The following ELFN1 variants were observed in gnomAD, a reference collection of about 807,000 sequenced individuals.
The protein encoded by ELFN1 is protein ELFN1.
Under a neutral mutation model 7.6 loss-of-function variants are expected in ELFN1, and 6 were observed. The observed-to-expected ratio is 0.79, with a 90% confidence interval of 0.43 to 1.56. The LOEUF (loss-of-function observed/expected upper bound fraction) is 1.56, where lower values mean the gene tolerates loss of function less well. Among genes scored for constraint, ELFN1 ranks in the 40% most tolerant of loss-of-function variants. ELFN1 has a pLI of 0.01. For synonymous variants in ELFN1, 657 were observed against 588.1 expected (o/e 1.12, Z -1.70); for missense variants, 1,169 against 1,232.2 (o/e 0.95, Z 0.77).
At chr7:1,737,104 C>T (rs1320215651) in intron 3 of ELFN1, among the ~76,000 whole-genome samples, 3 of 152,104 alleles carry the variant, frequency 2.0e-5, no homozygotes, top group Admixed American at 6.5e-5. Flanking sequence ...ATGGCTCGAA[C>T]ACACCCCCTC....
chr7:1,700,608 G>T (rs1033200952), intron 2 of ELFN1, among the ~76,000 whole-genome samples: 2 of 152,196 alleles, frequency 1.3e-5, no homozygotes, highest in Admixed American at 6.5e-5. Flanking sequence ...GCTGTGGTGA[G>T]CTCCCTTGCA....
chr7:1,737,673 C>T (rs1350380547), intron 3 of ELFN1, among the ~76,000 whole-genome samples: 4 of 152,116 alleles, frequency 2.6e-5, no homozygotes, highest in Non-Finnish European at 4.4e-5. Flanking sequence ...CTGTCCTCTG[C>T]GCCAGCTCCT....
At chr7:1,704,289 C>G (rs1409922601) in intron 2 of ELFN1, among the ~76,000 whole-genome samples, 1 of 152,178 alleles carries the variant, frequency 6.6e-6, no homozygotes, top group East Asian at 1.9e-4. Context: ...ATACTCTCCC[C>G]CTCCTCACCC....
At position 1,745,161 on chromosome 7, in the gene ELFN1, A is replaced by G; in HGVS notation, c.565A>G (p.Ser189Gly). Residue 189 changes from serine to glycine, a missense_variant, in exon 4 of 4, where the codon AGC (serine) becomes GGC (glycine). Transcript: ENST00000424383. ...LAKLSVCELY[S>G]NPFYCSCELL... ...CAAGCTGTCGGTGTGCGAGCTCTAC[A>G]GCAACCCCTTCTACTGCTCCTGCGA... The G allele has an allele frequency of 6.5e-7, 1 of 1,549,798 alleles. No homozygotes were observed. Among genetic ancestry groups the G allele is most frequent in the Non-Finnish European group, 8.7e-7 (1 of 1,146,964 alleles).
intron 2 of ELFN1, chr7:1,693,331 A>C (rs1327047305): frequency 6.5e-6 from 3 of 460,476 alleles, no homozygotes; most frequent in Non-Finnish European, 9.2e-6. Context: ...CCCGATTCCA[A>C]GAGTCTGGGC....
chr7:1,689,428 T>A (rs962039995), intron 2 of ELFN1, among the ~76,000 whole-genome samples: 1 of 152,162 alleles, frequency 6.6e-6, no homozygotes, highest in East Asian at 1.9e-4. Context: ...GAACACAGAT[T>A]CCCGGCTCAG....
chr7:1,699,392 C>G (rs1272714133), intron 2 of ELFN1, among the ~76,000 whole-genome samples: 1 of 152,172 alleles, frequency 6.6e-6, no homozygotes, highest in Non-Finnish European at 1.5e-5. Context: ...AATCCCAGCA[C>G]TTTGGGAGGC....
At chr7:1,720,647 GCTC>G (rs1779992119) in intron 3 of ELFN1, among the ~76,000 whole-genome samples, 1 of 152,134 alleles carries the variant, frequency 6.6e-6, no homozygotes, top group Non-Finnish European at 1.5e-5. Context: ...CTCCTTAAAA[GCTC>G]CTTCCTATTC....
At chr7:1,690,630 G>C (rs1219578897) in intron 2 of ELFN1, among the ~76,000 whole-genome samples, 3 of 150,750 alleles carry the variant, frequency 2.0e-5, no homozygotes, top group Non-Finnish European at 4.4e-5. Flanking sequence ...ATGGATGAAG[G>C]ATGAATGGAT....
intron 1 of ELFN1, among the ~76,000 whole-genome samples, chr7:1,686,692 T>C (rs1255946196): frequency 6.6e-6 from 1 of 152,138 alleles, no homozygotes; most frequent in Non-Finnish European, 1.5e-5. Context: ...TGGTTTCTAC[T>C]TTTTTCCAGA....
chr7:1,718,300 G>A (rs1426982635), intron 3 of ELFN1, among the ~76,000 whole-genome samples: 1 of 152,190 alleles, frequency 6.6e-6, no homozygotes, highest in Non-Finnish European at 1.5e-5. Flanking sequence ...TAGTAAAGGA[G>A]GAAGAGGAGA....
intron 3 of ELFN1, among the ~76,000 whole-genome samples, chr7:1,713,952 T>C (rs1779747548): frequency 6.6e-6 from 1 of 151,954 alleles, no homozygotes; most frequent in African/African-American, 2.4e-5. Context: ...GTGGCTGGCA[T>C]GTTGAGCCGC....
intron 1 of ELFN1, among the ~76,000 whole-genome samples, chr7:1,685,923 A>T (rs1366508789): frequency 6.8e-6 from 1 of 147,854 alleles, no homozygotes; most frequent in Non-Finnish European, 1.5e-5. Context: ...TTATATAAGT[A>T]TTAAAATATA....
rs184948240 is a variant in ELFN1 at position 1,735,801 on chromosome 7, A to G, written c.-293-8503A>G. On this transcript the variant is annotated intron_variant, in intron 3 of 3. Transcript: ENST00000424383. The surrounding 1 kb of genome is among the most constrained non-coding windows in gnomAD (Gnocchi z 5.9). ...AGGAGGAAATGAGTGTCTACTGGGCACCCCCTTGTACCCAGCATCATGCCA... is the reference window on the plus strand; with the variant it reads ...AGGAGGAAATGAGTGTCTACTGGGCGCCCCCTTGTACCCAGCATCATGCCA... Among the ~76,000 whole-genome samples the G allele has an allele frequency of 4.4e-4, 67 of 151,844 alleles. No homozygotes were observed. The East Asian group carries it at 4.5e-3, about 10-fold the overall frequency.
chr7:1,741,250 G>C (rs531622787), intron 3 of ELFN1, among the ~76,000 whole-genome samples: 3 of 152,330 alleles, frequency 2.0e-5, no homozygotes, highest in African/African-American at 7.2e-5. Flanking sequence ...TCCCTGGCAG[G>C]GCGCTGGCCA....
chr7:1,681,850 A>G (rs534422373), intron 1 of ELFN1, among the ~76,000 whole-genome samples: 4 of 152,352 alleles, frequency 2.6e-5, no homozygotes, highest in African/African-American at 9.6e-5. Context: ...ATGACCGATG[A>G]AGTTGAACAT....
rs566883369 is a variant in ELFN1, at chr7:1,728,734, C to A, written c.-293-15570C>A. Among the ~76,000 whole-genome samples the A allele has an allele frequency of 2.0e-5, 3 of 152,324 alleles. No homozygotes were observed. The South Asian group carries it at 6.2e-4, about 32-fold the overall frequency. ...TTTTCAGTTTTCAGAGGAGAGAAAA[C>A]AGAGGCTGGGAAAGACCCAGAGTTT... is the stretch of plus-strand genomic sequence containing the variant. On this transcript the variant is annotated intron_variant, in intron 3 of 3. Transcript: ENST00000424383.
At chr7:1,726,284 C>G (rs1030541911) in intron 3 of ELFN1, among the ~76,000 whole-genome samples, 1 of 152,198 alleles carries the variant, frequency 6.6e-6, no homozygotes, top group Non-Finnish European at 1.5e-5. Context: ...GCTCCCACCC[C>G]AAGCCGAGAG....
intron 2 of ELFN1, among the ~76,000 whole-genome samples, chr7:1,706,303 A>G (rs1779528936): frequency 6.6e-6 from 1 of 152,150 alleles, no homozygotes; most frequent in Admixed American, 6.5e-5. Flanking sequence ...GGTGCCTGTG[A>G]TCCCAGCTAC....
Sources: allele counts gnomAD v4.1 joint callset (sites outside exome capture counted in the v4.1 genomes callset), GRCh38; gene constraint gnomAD v4.1.1; non-coding constraint Gnocchi (gnomAD v3.1); transcripts MANE v1.5; gene names NCBI Gene and HGNC (gene_info 2026-07-23, HGNC 2026-07-21).